Variants in SLC25A26 observed in about 807,000 individuals in gnomAD.
The protein encoded by SLC25A26 is mitochondrial S-adenosylmethionine carrier protein.
Under a neutral mutation model 37.8 loss-of-function variants are expected in SLC25A26, and 36 were observed. The observed-to-expected ratio is 0.95, with a 90% CI of 0.73 to 1.26. The LOEUF is 1.26. Among genes scored for constraint, SLC25A26 ranks in the 50% most tolerant of loss-of-function variants. The probability of loss-of-function intolerance (pLI) is 0.00; values close to 1 mark genes in which losing one functional copy is unlikely to be tolerated. For missense variants in SLC25A26, 390 were observed against 331.1 expected, an observed-to-expected ratio of 1.18 and a Z score of -1.38; for synonymous variants, 129 against 122.5, an observed-to-expected ratio of 1.05 and a Z score of -0.35.
intron 1 of SLC25A26, among the ~76,000 whole-genome samples, chr3:66,225,230 C>A (rs935552709): frequency 6.6e-6 from 1 of 152,184 alleles, no homozygotes; most frequent in Admixed American, 6.5e-5. Context: ...CCCTGCAGCA[C>A]ACCTCGGCCT....
intron 1 of SLC25A26, among the ~76,000 whole-genome samples, chr3:66,181,780 CTTTTTT>C (rs922019884): frequency 1.9e-4 from 18 of 97,054 alleles, no homozygotes; most frequent in South Asian, 4.0e-4. Context: ...CTCCCCTTGT[CTTTTTT>C]TTTTTTTTTT....
chr3:66,157,724 C>T (rs181485804), intron 1 of SLC25A26, among the ~76,000 whole-genome samples: 3 of 152,318 alleles, frequency 2.0e-5, no homozygotes, highest in Admixed American at 2.0e-4. Flanking sequence ...ATCACACTTA[C>T]AAGTTTCATT....
intron 5 of SLC25A26, among the ~76,000 whole-genome samples, chr3:66,275,339 A>T (rs908076132): frequency 6.6e-6 from 1 of 151,940 alleles, no homozygotes; most frequent in Non-Finnish European, 1.5e-5. Context: ...AGCATGGCAC[A>T]TGTATACATA....
chr3:66,310,037 C>T (rs548817631), intron 5 of SLC25A26, among the ~76,000 whole-genome samples: 25 of 152,102 alleles, frequency 1.6e-4, no homozygotes, highest in Non-Finnish European at 3.2e-4. Flanking sequence ...GAGCTGAGTC[C>T]AAGTCCTGAA....
At chr3:66,274,602 A>T (rs149789059) in intron 5 of SLC25A26, among the ~76,000 whole-genome samples, 39 of 152,394 alleles carry the variant, frequency 2.6e-4, no homozygotes, top group African/African-American at 8.9e-4. Context: ...ATATGAACAG[A>T]CACTTCTCCA....
chr3:66,290,117 T>C (rs2074654817), intron 5 of SLC25A26, among the ~76,000 whole-genome samples: 3 of 152,172 alleles, frequency 2.0e-5, no homozygotes, highest in African/African-American at 7.2e-5. Flanking sequence ...TGGCTGTTTA[T>C]CTATTATTGG....
chr3:66,245,708 T>C (rs2107138285), intron 3 of SLC25A26, among the ~76,000 whole-genome samples: 2 of 152,356 alleles, frequency 1.3e-5, no homozygotes, highest in South Asian at 4.1e-4. Flanking sequence ...AGTAACCTAA[T>C]ATTCCTTGTT....
intron 5 of SLC25A26, among the ~76,000 whole-genome samples, chr3:66,292,779 C>G (rs779359229): frequency 6.6e-6 from 1 of 151,978 alleles, no homozygotes; most frequent in Admixed American, 6.6e-5. Flanking sequence ...TGCTCTTTCT[C>G]GAGGAGTATC....
chr3:66,236,283 T>C (rs2072280603), intron 1 of SLC25A26, among the ~76,000 whole-genome samples: 1 of 148,158 alleles, frequency 6.7e-6, no homozygotes, highest in Non-Finnish European at 1.5e-5. Flanking sequence ...TTAAATTTTG[T>C]TTAAAAATTT....
intron 5 of SLC25A26, among the ~76,000 whole-genome samples, chr3:66,324,379 A>G (rs1294355144): frequency 6.6e-6 from 1 of 152,064 alleles, no homozygotes; most frequent in East Asian, 1.9e-4. Context: ...GGTCTGAGTG[A>G]TACCAGCTGG....
chr3:66,169,580 G>A lies in SLC25A26; in HGVS notation c.-354+35596G>A, dbSNP rs182802203. ...ATGTTGCTTTTTCATGTTTATTGTA[G>A]GTTTCGCCCTTAGAATTTCAGCTCC... On this transcript the variant is annotated intron_variant, in intron 1 of 10. Transcript: ENST00000676754. Among the ~76,000 whole-genome samples, 69 of 152,186 alleles carry A rather than the reference G, an allele frequency of 4.5e-4. No homozygotes were observed. In the East Asian group the frequency reaches 6.6e-3, roughly 15 times the overall value.
At chr3:66,151,195 C>T (rs943615066) in intron 1 of SLC25A26, among the ~76,000 whole-genome samples, 5 of 152,132 alleles carry the variant, frequency 3.3e-5, no homozygotes, top group Non-Finnish European at 5.9e-5. Context: ...GTAGTTCCTG[C>T]CATTGTGGCA....
At chr3:66,210,517 C>A (rs2071269894) in intron 1 of SLC25A26, among the ~76,000 whole-genome samples, 1 of 151,776 alleles carries the variant, frequency 6.6e-6, no homozygotes, top group Non-Finnish European at 1.5e-5. Context: ...ACAACTGTGA[C>A]TCTTTTTTTT....
At chr3:66,311,352 G>T (rs537619818) in intron 5 of SLC25A26, among the ~76,000 whole-genome samples, 1 of 152,072 alleles carries the variant, frequency 6.6e-6, no homozygotes, top group African/African-American at 2.4e-5. Flanking sequence ...GGTCATTTAT[G>T]TTCGTGTCTA....
chr3:66,288,907 C>G (rs1200104939), intron 5 of SLC25A26, among the ~76,000 whole-genome samples: 3 of 152,172 alleles, frequency 2.0e-5, no homozygotes, highest in Non-Finnish European at 4.4e-5. Context: ...GCCACACTGT[C>G]TTCCACAATG....
chr3:66,197,925 C>T (rs1351287284), intron 1 of SLC25A26, among the ~76,000 whole-genome samples: 1 of 151,848 alleles, frequency 6.6e-6, no homozygotes, highest in Non-Finnish European at 1.5e-5. Context: ...GAGGAAGGGC[C>T]AAGGACAAGT....
intron 5 of SLC25A26, among the ~76,000 whole-genome samples, chr3:66,264,914 A>T (rs2073684257): frequency 6.6e-6 from 1 of 152,080 alleles, no homozygotes; most frequent in Non-Finnish European, 1.5e-5. Flanking sequence ...TTGCCTTCTA[A>T]CTCTAAATTT....
At chr3:66,248,805 G>C (rs1415393685) in intron 3 of SLC25A26, among the ~76,000 whole-genome samples, 3 of 152,164 alleles carry the variant, frequency 2.0e-5, no homozygotes, top group African/African-American at 7.2e-5. Flanking sequence ...ACTTCCCCAA[G>C]AAGGCCCGAT....
chr3:66,265,127 A>G (rs991046153), intron 5 of SLC25A26, among the ~76,000 whole-genome samples: 6 of 152,094 alleles, frequency 3.9e-5, no homozygotes, highest in Admixed American at 3.9e-4. Flanking sequence ...AGCCTGGGCA[A>G]CATTGTGAGA....
Sources: gnomAD v4.1 joint callset for allele counts (sites outside exome capture counted in the v4.1 genomes callset) on GRCh38, gnomAD v4.1.1 for gene constraint, MANE v1.5 for transcripts, NCBI Gene and HGNC (gene_info 2026-07-23, HGNC 2026-07-21) for gene names.